EXOC6B: variants seen among roughly 807,000 people sequenced by gnomAD.
EXOC6B encodes the protein exocyst complex component 6B.
Under a neutral mutation model 113.5 loss-of-function variants are expected in EXOC6B, and 54 were observed. The observed-to-expected ratio is 0.48, with a 90% CI of 0.38 to 0.60. The LOEUF is 0.60. Among genes scored for constraint, EXOC6B ranks in the 20% least tolerant of loss-of-function variants. The pLI is 0.00. For missense variants in EXOC6B, 797 were observed against 977.5 expected, an observed-to-expected ratio of 0.82 and a Z score of 2.46; for synonymous variants, 357 against 339.0, an observed-to-expected ratio of 1.05 and a Z score of -0.58.
intron 18 of EXOC6B, among the ~76,000 whole-genome samples, chr2:72,452,723 A>G (rs749339748): frequency 1.3e-5 from 2 of 152,250 alleles, no homozygotes; most frequent in Non-Finnish European, 2.9e-5. Flanking sequence ...GGGAATTACA[A>G]CAAATGCATT....
chr2:72,315,381 T>C (rs1023946456), intron 20 of EXOC6B, among the ~76,000 whole-genome samples: 1 of 151,880 alleles, frequency 6.6e-6, no homozygotes, highest in Non-Finnish European at 1.5e-5. Context: ...TAGGATCTTA[T>C]AGACCATTAA....
At chr2:72,776,067 GC>G (rs1683683685) in intron 1 of EXOC6B, among the ~76,000 whole-genome samples, 1 of 151,872 alleles carries the variant, frequency 6.6e-6, no homozygotes, top group Admixed American at 6.6e-5. Context: ...TATAGAGCAG[GC>G]AATAAAAACA....
intron 2 of EXOC6B, among the ~76,000 whole-genome samples, chr2:72,737,788 G>T (rs1174223827): frequency 6.6e-6 from 1 of 151,986 alleles, no homozygotes; most frequent in Non-Finnish European, 1.5e-5. Context: ...GGAAGCACAG[G>T]TTGCAGTGAA....
chr2:72,198,685 T>G (rs1221643941), intron 20 of EXOC6B, among the ~76,000 whole-genome samples: 1 of 152,226 alleles, frequency 6.6e-6, no homozygotes, highest in African/African-American at 2.4e-5. Context: ...AACATCCTTC[T>G]ACTATGCCAA....
At chr2:72,260,974 C>T (rs1317362183) in intron 20 of EXOC6B, among the ~76,000 whole-genome samples, 1 of 152,104 alleles carries the variant, frequency 6.6e-6, no homozygotes, top group Non-Finnish European at 1.5e-5. Flanking sequence ...TCATGACCTC[C>T]CTCTGTCTGT....
intron 20 of EXOC6B, among the ~76,000 whole-genome samples, chr2:72,274,716 T>C (rs1226878257): frequency 6.6e-6 from 1 of 152,136 alleles, no homozygotes; most frequent in Admixed American, 6.6e-5. Flanking sequence ...TCATGAATAG[T>C]GTAAATCCAC....
At chr2:72,199,266 C>G (rs1679350552) in intron 20 of EXOC6B, among the ~76,000 whole-genome samples, 1 of 152,176 alleles carries the variant, frequency 6.6e-6, no homozygotes, top group South Asian at 2.1e-4. Flanking sequence ...GGCTACCTTA[C>G]AGTTCAGCAC....
At chr2:72,587,655 G>T (rs1705675170) in intron 6 of EXOC6B, among the ~76,000 whole-genome samples, 1 of 151,964 alleles carries the variant, frequency 6.6e-6, no homozygotes, top group Admixed American at 6.6e-5. Context: ...TAATTGTGTT[G>T]GTTTTGTTGA....
At chr2:72,400,591 C>T (rs566368018) in intron 18 of EXOC6B, among the ~76,000 whole-genome samples, 2 of 142,286 alleles carry the variant, frequency 1.4e-5, no homozygotes, top group East Asian at 4.1e-4. Flanking sequence ...AACAAATCAA[C>T]AAGAAAAAAA....
chr2:72,299,071 AAG>A lies in EXOC6B; in HGVS notation c.2196+35874_2196+35875del, dbSNP rs370598779. On this transcript the variant is annotated intron_variant, in intron 20 of 21. Coordinates refer to ENST00000272427, the MANE Select transcript of EXOC6B (RefSeq NM_015189.3). ...GGAAGTCCTCCTGGATAATATCCTG[AAG>A]AGTGTTTTCCAGCTCGGTTCCATTC... Among the ~76,000 whole-genome samples the A allele has an allele frequency of 5.4e-3, 820 of 152,184 alleles. 8 individuals are homozygous for A. Among genetic ancestry groups the A allele is most frequent in the African/African-American group, 0.019 (786 of 41,520 alleles).
At chr2:72,562,863 TACAAATAGTAGCC>T (rs1286426408) in intron 7 of EXOC6B, among the ~76,000 whole-genome samples, 1 of 152,212 alleles carries the variant, frequency 6.6e-6, no homozygotes, top group Non-Finnish European at 1.5e-5. Flanking sequence ...TCTATGAAGA[TACAAATAGTAGCC>T]ACAAATAGTA....
chr2:72,267,514 C>A (rs1180364827), intron 20 of EXOC6B, among the ~76,000 whole-genome samples: 1 of 152,172 alleles, frequency 6.6e-6, no homozygotes, highest in Non-Finnish European at 1.5e-5. Context: ...TTGAGATAAT[C>A]ATGTGGTTTT....
At chr2:72,803,974 T>A (rs1013061933) in intron 1 of EXOC6B, among the ~76,000 whole-genome samples, 14 of 152,226 alleles carry the variant, frequency 9.2e-5, no homozygotes, top group African/African-American at 3.4e-4. Flanking sequence ...ATTAGAAATC[T>A]TAAGACATCA....
intron 20 of EXOC6B, among the ~76,000 whole-genome samples, chr2:72,205,962 G>A (rs994359542): frequency 2.0e-5 from 3 of 152,178 alleles, no homozygotes; most frequent in East Asian, 3.9e-4. Flanking sequence ...GCCTGGACTT[G>A]GAGAAGAAAC....
chr2:72,295,213 G>C (rs1187510269), intron 20 of EXOC6B, among the ~76,000 whole-genome samples: 1 of 129,916 alleles, frequency 7.7e-6, no homozygotes, highest in Non-Finnish European at 1.6e-5. Context: ...CCTGGCAATA[G>C]AGCAAGACTC....
At chr2:72,691,845 ATTTT>A (rs34593787) in intron 6 of EXOC6B, among the ~76,000 whole-genome samples, 1 of 148,562 alleles carries the variant, frequency 6.7e-6, no homozygotes, top group Non-Finnish European at 1.5e-5. Context: ...CCCCACCTGG[ATTTT>A]TTTTTTCTAT....
intron 6 of EXOC6B, among the ~76,000 whole-genome samples, chr2:72,622,187 A>G (rs1445241981): frequency 1.3e-5 from 2 of 151,372 alleles, no homozygotes; most frequent in African/African-American, 4.8e-5. Flanking sequence ...AAGTTTATAT[A>G]AGTTTATATC....
intron 20 of EXOC6B, among the ~76,000 whole-genome samples, chr2:72,332,404 G>T (rs376548378): frequency 6.6e-6 from 1 of 152,020 alleles, no homozygotes; most frequent in Middle Eastern, 3.2e-3. Context: ...GACTAGATGA[G>T]AAATAGGTAA....
In EXOC6B at chr2:72,197,448, G is replaced by A. The variant is rs181566031; in HGVS notation, c.2197-13261C>T. On this transcript the variant is annotated intron_variant, in intron 20 of 21. Transcript: ENST00000272427. ...AAGAGGCTGAAGAGGAAGTGGTGGG[G>A]TTAGACTATGCAGAGTACTGGAGTA... Among the ~76,000 whole-genome samples, 191 of 152,262 alleles carry A rather than the reference G, an allele frequency of 1.3e-3. 1 individual carries two copies. The highest frequency in any genetic ancestry group is 0.01 in the Middle Eastern group (3 of 294).
Sources: allele counts gnomAD v4.1 joint callset (sites outside exome capture counted in the v4.1 genomes callset), GRCh38; gene constraint gnomAD v4.1.1; transcripts MANE v1.5; gene names NCBI Gene and HGNC (gene_info 2026-07-23, HGNC 2026-07-21).